The following PCDHGC5 variants were observed in gnomAD, a reference collection of about 807,000 sequenced individuals.
PCDHGC5 encodes the protein protocadherin gamma subfamily C, 5, also known as protocadherin gamma-C5.
Under a neutral mutation model 59.0 loss-of-function variants are expected in PCDHGC5, and 25 were observed. The ratio of observed to expected loss-of-function variants is 0.42; its 90% CI spans 0.31 to 0.59. PCDHGC5 has a LOEUF of 0.59. PCDHGC5 is among the 20% of genes least tolerant of loss of function. PCDHGC5 has a pLI of 0.13. For synonymous variants in PCDHGC5, 434 were observed against 505.5 expected (o/e 0.86, Z 1.90); for missense variants, 1,067 against 1,206.4 (o/e 0.88, Z 1.71).
Position 141,489,772 on chromosome 5 carries a change from T to C in PCDHGC5, c.532T>C (p.Phe178Leu), listed in dbSNP as rs1327700197. 6.2e-7 allele frequency: 1 copy of C among 1,614,154 alleles called. No individual in the cohort carries two copies. The highest frequency in any genetic ancestry group is 8.5e-7 in the Non-Finnish European group (1 of 1,179,994). ...TTACACTCTAAGCCCCAACAGCCAC[T>C]TCTCTCTGAATGTGAAGACCCTAAA... ...SFYTLSPNSHFSLNVKTLKDG... is the reference protein window; with the variant it reads ...SFYTLSPNSHLSLNVKTLKDG... The change falls in exon 1 of 4, where the codon TTC (phenylalanine) becomes CTC (leucine). Residue 178 changes from phenylalanine (F) to leucine (L), a missense_variant. Physicochemically the swap from Phe to Leu is conservative, Grantham distance 22. Coordinates refer to ENST00000252087, the MANE Select transcript of PCDHGC5 (RefSeq NM_018929.3). This position sits in a 1 kb window ranked among gnomAD's most constrained non-coding sequence, Gnocchi z 4.5.
chr5:141,510,289 A>T (rs1279501931), intron 3 of PCDHGC5, among the ~76,000 whole-genome samples: 3 of 151,754 alleles, frequency 2.0e-5, no homozygotes, highest in Non-Finnish European at 4.4e-5. Context: ...AAAAAAAAAA[A>T]AATGCTGTTT....
rs1303712746 is a variant in PCDHGC5 at position 141,512,800 on chromosome 5, C to G, written c.*1627C>G. The G allele has an allele frequency of 1.3e-5, 2 of 152,238 alleles. No homozygotes were observed. Among genetic ancestry groups the G allele is most frequent in the African/African-American group, 4.8e-5 (2 of 41,434 alleles). The allele number at this position is 152,238 out of a possible 1,614,324, so 9.4% of individuals were successfully genotyped here. A position where few individuals can be genotyped will look rare whatever the true frequency, so the allele number is the denominator to read the frequency against. On this transcript the variant is annotated 3_prime_UTR_variant, in exon 4 of 4. Coordinates refer to ENST00000252087, the MANE Select transcript of PCDHGC5 (RefSeq NM_018929.3). Reference sequence around the variant, plus strand: ...GCCCGTGTTGTGTTTTGTGCTGTGTCCACGCGCTAAGGCGACCCCCTCCCC... The same window carrying G: ...GCCCGTGTTGTGTTTTGTGCTGTGTGCACGCGCTAAGGCGACCCCCTCCCC...
At chr5:141,494,763 C>T in intron 1 of PCDHGC5, 44 bp from the exon 2 acceptor site, 4 of 1,613,926 alleles carry the variant, frequency 2.5e-6, no homozygotes, top group Admixed American at 1.7e-5. Context: ...GACATTCTAA[C>T]TTCTCACGGG....
At chr5:141,500,930 G>A (rs1300719832) in intron 2 of PCDHGC5, among the ~76,000 whole-genome samples, 4 of 151,824 alleles carry the variant, frequency 2.6e-5, no homozygotes, top group Admixed American at 6.6e-5. Context: ...GTGCAGTGGC[G>A]CCATCTCGGC....
intron 2 of PCDHGC5, among the ~76,000 whole-genome samples, chr5:141,495,223 G>T (rs924599140): frequency 6.6e-6 from 1 of 152,208 alleles, no homozygotes; most frequent in South Asian, 2.1e-4. Flanking sequence ...CCTGAGTTGA[G>T]CTGGGCTCCA....
Position 141,507,461 on chromosome 5 carries a change from G to A in PCDHGC5, c.2608+1980G>A, listed in dbSNP as rs145114393. On this transcript the variant is annotated intron_variant, in intron 3 of 3. Coordinates refer to ENST00000252087, the MANE Select transcript of PCDHGC5 (RefSeq NM_018929.3). ...AGCTGACGGAAGGACAGAGAGAGAG[G>A]TGGCAGGGACTGCTGGCCTCCTGAG... Among the ~76,000 whole-genome samples the A allele has an allele frequency of 3.8e-3, 581 of 152,330 alleles. 5 individuals are homozygous for A. Among genetic ancestry groups the A allele is most frequent in the African/African-American group, 0.012 (485 of 41,570 alleles).
At position 141,491,251 on chromosome 5, in the gene PCDHGC5, C is replaced by A; in HGVS notation, c.2011C>A (p.Pro671Thr). The change falls in exon 1 of 4, where the codon CCT becomes ACT. Residue 671 changes from proline (P) to threonine (T), a missense_variant. Coordinates refer to ENST00000252087, the MANE Select transcript of PCDHGC5 (RefSeq NM_018929.3). This position sits in a 1 kb window ranked among gnomAD's most constrained non-coding sequence, Gnocchi z 6.9. ...GCTGCTGGTTCTGGAGGATGAGGAC[C>A]CTGAGGAAATGCCCAAATCCAGTGA... Reference protein sequence around the residue: ...TVLLVLEDEDPEEMPKSSDFL... With the variant: ...TVLLVLEDEDTEEMPKSSDFL... 6.2e-7 allele frequency: 1 copy of A among 1,614,144 alleles called. No homozygotes were observed. Among genetic ancestry groups the A allele is most frequent in the Non-Finnish European group, 8.5e-7 (1 of 1,180,016 alleles).
intron 2 of PCDHGC5, among the ~76,000 whole-genome samples, chr5:141,500,311 C>T (rs2099799036): frequency 2.0e-5 from 3 of 152,072 alleles, no homozygotes; most frequent in African/African-American, 7.2e-5. Context: ...CAGGTTCACG[C>T]CATGCTCCTG....
chr5:141,496,621 C>A (rs1297797187), intron 2 of PCDHGC5, among the ~76,000 whole-genome samples: 1 of 152,214 alleles, frequency 6.6e-6, no homozygotes. Context: ...AGCAGCAGAT[C>A]AAAAGGCTTG....
chr5:141,494,935 G>A, intron 2 of PCDHGC5, 70 bp downstream of exon 2: 1 of 1,612,482 alleles, frequency 6.2e-7, no homozygotes, highest in Non-Finnish European at 8.5e-7. Flanking sequence ...GGGAGGAGAT[G>A]GGGGAGGGCC....
At chr5:141,506,172 TG>T (rs2099850913) in intron 3 of PCDHGC5, among the ~76,000 whole-genome samples, 1 of 152,128 alleles carries the variant, frequency 6.6e-6, no homozygotes, top group South Asian at 2.1e-4. Flanking sequence ...CAGCCTAAGC[TG>T]GGCGTGGTGG....
chr5:141,502,694 G>A (rs1039264846), intron 2 of PCDHGC5, among the ~76,000 whole-genome samples: 5 of 152,180 alleles, frequency 3.3e-5, no homozygotes, highest in African/African-American at 1.2e-4. Flanking sequence ...ATCCTTGCCT[G>A]TATCTGTTTT....
rs965707754 is a variant in PCDHGC5 at position 141,505,329 on chromosome 5, G to A, written c.2520-64G>A. On this transcript the variant is annotated intron_variant, in intron 2 of 3. Coordinates refer to ENST00000252087, the MANE Select transcript of PCDHGC5 (RefSeq NM_018929.3). ...ACTAGGTTTGGGAGCCCTGGGAGAG[G>A]ACAGGAGGGGCATGAGCTGTGCCGG... is the stretch of plus-strand genomic sequence containing the variant. The A allele has an allele frequency of 2.5e-6, 4 of 1,610,060 alleles. No individual in the cohort carries two copies. The African/African-American group carries it at 5.3e-5, about 22-fold the overall frequency.
rs1051300319 is a variant in PCDHGC5 at position 141,491,957 on chromosome 5, A to T, written c.2460+257A>T. ...GACCGACCCCCACCCCTACACTCAA[A>T]AAAGGCCGGGGCCTCCTTCGAGCTT... is the stretch of plus-strand genomic sequence containing the variant. On this transcript the variant is annotated intron_variant, in intron 1 of 3. Coordinates refer to ENST00000252087, the MANE Select transcript of PCDHGC5 (RefSeq NM_018929.3). The surrounding 1 kb of genome is among the most constrained non-coding windows in gnomAD (Gnocchi z 6.9). 3.6e-5 allele frequency: 37 copies of T among 1,020,096 alleles called. No individual in the cohort carries two copies. The highest frequency in any genetic ancestry group is 5.0e-5 in the Non-Finnish European group (37 of 736,248). The allele number at this position is 1,020,096 out of a possible 1,614,324, so 63.2% of individuals were successfully genotyped here.
Position 141,491,279 on chromosome 5 carries a change from T to G in PCDHGC5, c.2039T>G (p.Phe680Cys). 1 of 1,614,110 alleles carries G rather than the reference T, an allele frequency of 6.2e-7. No individual in the cohort carries two copies. The highest frequency in any genetic ancestry group is 2.2e-5 in the East Asian group (1 of 44,878). ...DPEEMPKSSD[F>C]LIHPPERSDL... ...GAGGAAATGCCCAAATCCAGTGACT[T>G]CCTCATACACCCTCCTGAGCGTTCA... The change falls in exon 1 of 4, where the codon TTC becomes TGC. Residue 680 changes from phenylalanine (F) to cysteine (C), a missense_variant. By Grantham distance (205) the Phe-to-Cys change is radical. Transcript: ENST00000252087. The surrounding 1 kb of genome is among the most constrained non-coding windows in gnomAD (Gnocchi z 6.9).
At chr5:141,505,238 G>A (rs1254100882) in intron 2 of PCDHGC5, 155 bp from the exon 3 acceptor site, 2 of 890,422 alleles carry the variant, frequency 2.2e-6, no homozygotes, top group South Asian at 5.2e-5. Context: ...GGCTTCTGAA[G>A]GATTGTAGAA....
chr5:141,510,451 G>A (rs1330148267), intron 3 of PCDHGC5, among the ~76,000 whole-genome samples: 2 of 152,096 alleles, frequency 1.3e-5, no homozygotes, highest in East Asian at 1.9e-4. Context: ...AGGAGCCCAT[G>A]GTCTAGTGTG....
In PCDHGC5 at chr5:141,491,996, G is replaced by T; in HGVS notation, c.2460+296G>T. ...TCCTTCGAGCTTCCGGTGAATTTCG[G>T]GCGATTTCCGCGGGTGTCGGGGGTC... is the stretch of plus-strand genomic sequence containing the variant. On this transcript the variant is annotated intron_variant, in intron 1 of 3. Coordinates refer to ENST00000252087, the MANE Select transcript of PCDHGC5 (RefSeq NM_018929.3). This position sits in a 1 kb window ranked among gnomAD's most constrained non-coding sequence, Gnocchi z 6.9. The T allele has an allele frequency of 2.9e-6, 2 of 686,328 alleles. No individual in the cohort carries two copies. Among genetic ancestry groups the T allele is most frequent in the Non-Finnish European group, 4.5e-6 (2 of 441,080 alleles). 42.5% of individuals were successfully genotyped at this position (686,328 alleles called of 1,614,324 possible). A position where few individuals can be genotyped will look rare whatever the true frequency, so the allele number is the denominator to read the frequency against.
intron 2 of PCDHGC5, among the ~76,000 whole-genome samples, chr5:141,502,947 G>A (rs933409229): frequency 3.0e-4 from 45 of 151,030 alleles, no homozygotes; most frequent in Admixed American, 1.8e-3. Context: ...GGGTTCAAGC[G>A]ATTCTCCTGC....
Sources: gnomAD v4.1 joint callset for allele counts (sites outside exome capture counted in the v4.1 genomes callset) on GRCh38, gnomAD v4.1.1 for gene constraint, Gnocchi (gnomAD v3.1) non-coding constraint, MANE v1.5 for transcripts, NCBI Gene and HGNC (gene_info 2026-07-23, HGNC 2026-07-21) for gene names.